KDM4C: variants seen among roughly 807,000 people sequenced by gnomAD.
KDM4C encodes lysine-specific demethylase 4C.
KDM4C carries 81 observed loss-of-function variants against 129.3 expected under a neutral mutation model. The observed-to-expected ratio is 0.63, with a 90% CI of 0.52 to 0.75. The LOEUF is 0.75. KDM4C is among the 30% of genes least tolerant of loss of function. The probability of loss-of-function intolerance (pLI) is 0.00; values close to 1 mark genes in which losing one functional copy is unlikely to be tolerated. For missense variants in KDM4C, 1,457 were observed against 1,304.0 expected, an observed-to-expected ratio of 1.12 and a Z score of -1.81; for synonymous variants, 573 against 456.1, an observed-to-expected ratio of 1.26 and a Z score of -3.26.
chr9:7,015,896 G>A lies in KDM4C; in HGVS notation c.2226G>A (p.Leu742=), dbSNP rs143113009. The A allele has an allele frequency of 1.2e-6, 2 of 1,612,816 alleles. No homozygotes were observed. The highest frequency in any genetic ancestry group is 1.3e-5 in the African/African-American group (1 of 74,890). Residue 742 remains leucine, a synonymous_variant, in exon 15 of 22, where the codon CTG becomes CTA. Coordinates refer to ENST00000381309, the MANE Select transcript of KDM4C (RefSeq NM_015061.6). ...CTCATGAGATCTGTGATGGATGGCT[G>A]TGTGCCCGGTGCAAAAGAAATGCGT... is the stretch of plus-strand genomic sequence containing the variant. ...IPSHEICDGW[L]CARCKRNAWT...
At chr9:6,904,170 C>T (rs972667976) in intron 8 of KDM4C, among the ~76,000 whole-genome samples, 1 of 151,766 alleles carries the variant, frequency 6.6e-6, no homozygotes, top group African/African-American at 2.4e-5. Context: ...ATTTGGGAGG[C>T]AGAGGTTGTG....
chr9:6,773,560 C>T (rs1230581035), intron 1 of KDM4C, among the ~76,000 whole-genome samples: 1 of 152,050 alleles, frequency 6.6e-6, no homozygotes, highest in Non-Finnish European at 1.5e-5. Flanking sequence ...TCACTTAGGC[C>T]AGGAGTTCGA....
chr9:6,859,356 T>C (rs1214556099), intron 5 of KDM4C, among the ~76,000 whole-genome samples: 1 of 150,732 alleles, frequency 6.6e-6, no homozygotes, highest in Non-Finnish European at 1.5e-5. Flanking sequence ...ACGCCTGTAG[T>C]CCCAGCTACT....
intron 1 of KDM4C, among the ~76,000 whole-genome samples, chr9:6,732,111 T>C (rs1008550357): frequency 1.3e-5 from 2 of 152,004 alleles, no homozygotes; most frequent in East Asian, 1.9e-4. Flanking sequence ...CTCACATCTG[T>C]AATCCCAGCA....
intron 19 of KDM4C, among the ~76,000 whole-genome samples, chr9:7,130,766 T>A (rs186930424): frequency 1.3e-5 from 2 of 152,150 alleles, no homozygotes; most frequent in Admixed American, 1.3e-4. Context: ...TTTTTTTCTT[T>A]TTTCTTTTTT....
intron 6 of KDM4C, among the ~76,000 whole-genome samples, chr9:6,887,402 G>A (rs1051048433): frequency 1.3e-5 from 2 of 152,174 alleles, no homozygotes; most frequent in African/African-American, 4.8e-5. Context: ...GTTCAGGCAG[G>A]TTCTCAGACA....
intron 17 of KDM4C, among the ~76,000 whole-genome samples, chr9:7,075,347 A>G (rs1833776257): frequency 6.6e-6 from 1 of 152,158 alleles, no homozygotes; most frequent in Non-Finnish European, 1.5e-5. Flanking sequence ...GCCAAAATTC[A>G]TGTTGAAACT....
intron 5 of KDM4C, among the ~76,000 whole-genome samples, chr9:6,871,965 T>C (rs1842877184): frequency 6.6e-6 from 1 of 152,170 alleles, no homozygotes; most frequent in African/African-American, 2.4e-5. Context: ...AGGGATGAGA[T>C]GGCTGAAATT....
chr9:6,964,899 A>T (rs1455172673), intron 8 of KDM4C, among the ~76,000 whole-genome samples: 2 of 151,868 alleles, frequency 1.3e-5, no homozygotes, highest in African/African-American at 4.8e-5. Context: ...GGTTGCAGTG[A>T]GCCGAGATCG....
rs181053925 is a variant in KDM4C at position 6,900,114 on chromosome 9, C to T, written c.921+6882C>T. ...CTAGACACATCTTATTTTTCTTGAT[C>T]AGTGATGATGCACATTCAGAGATAA... On this transcript the variant is annotated intron_variant, in intron 8 of 21. Coordinates refer to ENST00000381309, the MANE Select transcript of KDM4C (RefSeq NM_015061.6). Among the ~76,000 whole-genome samples, 9 of 152,302 alleles carry T rather than the reference C, an allele frequency of 5.9e-5. No individual in the cohort carries two copies. In the East Asian group the frequency reaches 1.5e-3, roughly 26 times the overall value.
chr9:7,069,870 A>C (rs1367824373), intron 17 of KDM4C, among the ~76,000 whole-genome samples: 1 of 152,232 alleles, frequency 6.6e-6, no homozygotes, highest in Non-Finnish European at 1.5e-5. Flanking sequence ...CTAATTGAGA[A>C]TATATTAAGG....
At chr9:7,165,141 A>T in intron 19 of KDM4C, 97 bp from the exon 20 acceptor site, 1 of 1,423,462 alleles carries the variant, frequency 7.0e-7, no homozygotes, top group Non-Finnish European at 9.6e-7. Flanking sequence ...CAGAGGCAAT[A>T]ACTCCTTTTA....
At chr9:6,907,307 G>T (rs1389741697) in intron 8 of KDM4C, among the ~76,000 whole-genome samples, 1 of 152,190 alleles carries the variant, frequency 6.6e-6, no homozygotes, top group East Asian at 1.9e-4. Flanking sequence ...CCAGAGGAAT[G>T]AACTTGAGAT....
At chr9:6,830,066 C>T (rs1489493811) in intron 4 of KDM4C, among the ~76,000 whole-genome samples, 3 of 151,940 alleles carry the variant, frequency 2.0e-5, no homozygotes, top group Non-Finnish European at 4.4e-5. Flanking sequence ...TGTTTCTGTA[C>T]CAAAATTTTT....
intron 20 of KDM4C, 42 bp downstream of exon 20, chr9:7,165,399 G>A: frequency 1.2e-6 from 2 of 1,601,566 alleles, no homozygotes; most frequent in Non-Finnish European, 1.7e-6. Context: ...AGATTGACAT[G>A]ATAAGTCAGA....
In KDM4C at chr9:6,748,384, G is replaced by C. The variant is rs147944172; in HGVS notation, c.49+27387G>C. On this transcript the variant is annotated intron_variant, in intron 1 of 17. Transcript: ENST00000536108. The stretch of plus-strand genomic sequence containing the variant: ...TAGCCAGGAGTGGTGGCACATGCCT[G>C]TAATCTCAGCTACTAGGGAGGCTGA... Among the ~76,000 whole-genome samples, 118 of 151,856 alleles carry C rather than the reference G, an allele frequency of 7.8e-4. 1 individual carries two copies. The East Asian group carries it at 0.016, about 20-fold the overall frequency.
At chr9:7,061,891 C>G (rs10976015) in intron 17 of KDM4C, among the ~76,000 whole-genome samples, 1,784 of 152,264 alleles carry the variant, frequency 0.012, 41 homozygotes, top group African/African-American at 0.04. Flanking sequence ...CGTACATTAC[C>G]CCTCACCCTA....
At chr9:6,962,073 A>C (rs1830140759) in intron 8 of KDM4C, among the ~76,000 whole-genome samples, 1 of 152,218 alleles carries the variant, frequency 6.6e-6, no homozygotes, top group South Asian at 2.1e-4. Flanking sequence ...AGTGGGATAC[A>C]AGAGGAGCAC....
intron 19 of KDM4C, among the ~76,000 whole-genome samples, chr9:7,150,750 T>C (rs2130110957): frequency 6.6e-6 from 1 of 152,332 alleles, no homozygotes; most frequent in Middle Eastern, 3.4e-3. Flanking sequence ...TGGCGTTTGT[T>C]ATGCTTCCTC....
Sources: gnomAD v4.1 joint callset for allele counts (sites outside exome capture counted in the v4.1 genomes callset) on GRCh38, gnomAD v4.1.1 for gene constraint, MANE v1.5 for transcripts, NCBI Gene and HGNC (gene_info 2026-07-23, HGNC 2026-07-21) for gene names.